The following TTC17 variants were observed in gnomAD, a reference collection of about 807,000 sequenced individuals.
The protein encoded by TTC17 is tetratricopeptide repeat domain 17, also known as tetratricopeptide repeat protein 17.
Under a neutral mutation model 143.8 loss-of-function variants are expected in TTC17, and 58 were observed. That is an observed-to-expected ratio of 0.40 (90% CI 0.33 to 0.50). The LOEUF (loss-of-function observed/expected upper bound fraction) is 0.50. Ranked by LOEUF, TTC17 falls within the 20% of genes least tolerant of loss-of-function variation. The probability of loss-of-function intolerance (pLI) is 0.49; values close to 1 mark genes in which losing one functional copy is unlikely to be tolerated. For missense variants in TTC17, 1,273 were observed against 1,392.5 expected, an observed-to-expected ratio of 0.91 and a Z score of 1.37; for synonymous variants, 501 against 497.8, an observed-to-expected ratio of 1.01 and a Z score of -0.09.
intron 1 of TTC17, among the ~76,000 whole-genome samples, chr11:43,362,299 G>A (rs1471224207): frequency 1.3e-5 from 2 of 152,150 alleles, no homozygotes; most frequent in Non-Finnish European, 2.9e-5. Flanking sequence ...GATTACAGGC[G>A]TGAGCCGCTG....
At chr11:43,482,591 A>C (rs1367262450) in intron 21 of TTC17, among the ~76,000 whole-genome samples, 1 of 152,106 alleles carries the variant, frequency 6.6e-6, no homozygotes, top group Non-Finnish European at 1.5e-5. Context: ...AGCTTGTTTT[A>C]TGGGCCAGAA....
intron 21 of TTC17, among the ~76,000 whole-genome samples, chr11:43,469,234 G>A (rs961689929): frequency 1.3e-5 from 2 of 152,160 alleles, no homozygotes; most frequent in Non-Finnish European, 2.9e-5. Context: ...TGTTGGAGAG[G>A]ATGTGGAGCA....
intron 19 of TTC17, 182 bp from the exon 20 acceptor site, chr11:43,449,900 A>T: frequency 1.5e-6 from 1 of 663,564 alleles, no homozygotes; most frequent in Non-Finnish European, 2.5e-6. Flanking sequence ...ATCACCACTT[A>T]TATCTTGGAA....
At chr11:43,405,750 T>C in intron 12 of TTC17, 36 bp from the exon 13 acceptor site, 1 of 1,612,368 alleles carries the variant, frequency 6.2e-7, no homozygotes, top group South Asian at 1.1e-5. Flanking sequence ...ACCCAAACTT[T>C]GAAAATATGA....
chr11:43,385,864 C>G (rs1201954991), intron 2 of TTC17, among the ~76,000 whole-genome samples: 1 of 150,638 alleles, frequency 6.6e-6, no homozygotes, highest in Admixed American at 6.6e-5. Flanking sequence ...CTCAAGAAAA[C>G]AGTATTGTTT....
At position 43,446,313 on chromosome 11, in the gene TTC17, GT is replaced by G. The variant is rs1947540281; in HGVS notation, c.2666-1687del. 6.7e-6 allele frequency: 3 copies of G among 444,484 alleles called. No homozygotes were observed. In the South Asian group the frequency reaches 2.6e-4, roughly 38 times the overall value. 27.5% of individuals were successfully genotyped at this position (444,484 alleles called of 1,614,324 possible). ...TCCTTGTTACCTTCAGGCAGAATTA[GT>G]TACTCTTTCCTCTGTGCAATTGTTC... On this transcript the variant is annotated intron_variant, in intron 18 of 23. Coordinates refer to ENST00000039989, the MANE Select transcript of TTC17 (RefSeq NM_018259.6).
chr11:43,474,340 T>C (rs867164631), intron 21 of TTC17, among the ~76,000 whole-genome samples: 1 of 152,206 alleles, frequency 6.6e-6, no homozygotes, highest in Non-Finnish European at 1.5e-5. Flanking sequence ...AGAGTGGATA[T>C]ATGTAGAGAA....
chr11:43,367,453 A>G (rs1252295394), intron 1 of TTC17, among the ~76,000 whole-genome samples: 1 of 152,236 alleles, frequency 6.6e-6, no homozygotes, highest in Non-Finnish European at 1.5e-5. Context: ...GAGGCGTGGT[A>G]GATGAGAAAT....
chr11:43,429,615 A>G (rs1947107705), intron 16 of TTC17, among the ~76,000 whole-genome samples: 1 of 152,256 alleles, frequency 6.6e-6, no homozygotes, highest in Admixed American at 6.5e-5. Flanking sequence ...CTAGAGATAA[A>G]TATGAAATAG....
At chr11:43,457,733 T>C (rs889283355) in intron 21 of TTC17, among the ~76,000 whole-genome samples, 2 of 151,920 alleles carry the variant, frequency 1.3e-5, no homozygotes, top group African/African-American at 2.4e-5. Context: ...CAGCCCAGAA[T>C]TGGTGAACTA....
At chr11:43,376,506 T>A (rs914754827) in intron 1 of TTC17, among the ~76,000 whole-genome samples, 3 of 152,230 alleles carry the variant, frequency 2.0e-5, no homozygotes, top group Non-Finnish European at 2.9e-5. Context: ...GGGTTGTTTA[T>A]CCTTTGTGAA....
chr11:43,389,591 C>T, intron 2 of TTC17, 61 bp from the exon 3 acceptor site: 1 of 1,477,262 alleles, frequency 6.8e-7, no homozygotes, highest in South Asian at 1.5e-5. Flanking sequence ...CCTTTCTCTT[C>T]AATGGTAGTT....
intron 13 of TTC17, 114 bp downstream of exon 13, chr11:43,406,065 A>G: frequency 1.6e-6 from 2 of 1,238,302 alleles, no homozygotes; most frequent in Non-Finnish European, 2.2e-6. Context: ...AGTGTATAAA[A>G]TGGAAGGATA....
At chr11:43,470,765 C>T (rs777580497) in intron 21 of TTC17, among the ~76,000 whole-genome samples, 5 of 152,166 alleles carry the variant, frequency 3.3e-5, no homozygotes, top group Non-Finnish European at 7.4e-5. Flanking sequence ...CTTCCTAGCT[C>T]AGTAGCTTTA....
chr11:43,477,837 A>G (rs1564981612), intron 21 of TTC17, among the ~76,000 whole-genome samples: 1 of 152,192 alleles, frequency 6.6e-6, no homozygotes, highest in Non-Finnish European at 1.5e-5. Flanking sequence ...GGGATAAGCA[A>G]TTGATGAGGG....
rs1264210334 is a variant in TTC17, at chr11:43,359,033, G to A, written c.79G>A (p.Ala27Thr). 6.3e-7 allele frequency: 1 copy of A among 1,591,314 alleles called. No individual in the cohort carries two copies. The highest frequency in any genetic ancestry group is 2.4e-5 in the East Asian group (1 of 42,268). The change falls in exon 1 of 24, where the codon GCC (alanine) becomes ACC (threonine). Residue 27 changes from alanine (A) to threonine (T), a missense_variant. Around this residue, in one of 3 missense-constraint regions of TTC17, gnomAD observed 70 missense variants for 48.5 expected, o/e 1.44. Coordinates refer to ENST00000039989, the MANE Select transcript of TTC17 (RefSeq NM_018259.6). ...CCCAGGCTGGCTCCTCAGCCTTTCC[G>A]CCTTGCTGAGTGTGGCGGCACGAGG... Reference protein sequence around the residue: ...SGPGWLLSLSALLSVAARGAF... With the variant: ...SGPGWLLSLSTLLSVAARGAF...
intron 21 of TTC17, among the ~76,000 whole-genome samples, chr11:43,467,603 A>G (rs1279521925): frequency 1.3e-5 from 2 of 152,246 alleles, no homozygotes; most frequent in East Asian, 1.9e-4. Context: ...TGATGTGAAT[A>G]TACTAAACAC....
chr11:43,399,409 A>G (rs185381774), intron 8 of TTC17, among the ~76,000 whole-genome samples: 8 of 152,302 alleles, frequency 5.3e-5, no homozygotes, highest in Non-Finnish European at 1.0e-4. Context: ...TGATGCCTGT[A>G]ATCCCAGTTA....
At chr11:43,404,962 C>T (rs1046905821) in intron 11 of TTC17, among the ~76,000 whole-genome samples, 1 of 152,108 alleles carries the variant, frequency 6.6e-6, no homozygotes, top group African/African-American at 2.4e-5. Context: ...AGGTACAAGT[C>T]ATAAGCTCCA....
Sources: allele counts gnomAD v4.1 joint callset (sites outside exome capture counted in the v4.1 genomes callset), GRCh38; gene constraint gnomAD v4.1.1; regional missense constraint gnomAD v4.1.1; transcripts MANE v1.5; gene names NCBI Gene and HGNC (gene_info 2026-07-23, HGNC 2026-07-21).